Variants in DMXL1 observed in about 807,000 individuals in gnomAD.
DMXL1 encodes dmX-like protein 1.
A neutral mutation model predicts 319.2 loss-of-function variants in DMXL1; 99 were observed. The observed-to-expected ratio is 0.31, with a 90% CI of 0.26 to 0.37. The LOEUF is 0.37. DMXL1 is among the 10% of genes least tolerant of loss of function. The pLI, the probability that DMXL1 is intolerant of heterozygous loss-of-function variation, is 1.00. For synonymous variants in DMXL1, 1,385 were observed against 1,235.2 expected, an observed-to-expected ratio of 1.12 and a Z score of -2.54; for missense variants, 3,745 against 3,595.6, an observed-to-expected ratio of 1.04 and a Z score of -1.06.
chr5:119,228,628 C>T (rs1786052583), intron 38 of DMXL1, among the ~76,000 whole-genome samples: 1 of 152,120 alleles, frequency 6.6e-6, no homozygotes, highest in Non-Finnish European at 1.5e-5. Context: ...TTTTAACATT[C>T]TTCTTTTTAG....
At chr5:119,173,014 C>G (rs552804589) in intron 25 of DMXL1, among the ~76,000 whole-genome samples, 1 of 151,992 alleles carries the variant, frequency 6.6e-6, no homozygotes, top group Non-Finnish European at 1.5e-5. Flanking sequence ...TATAGCATAC[C>G]TGTGGTGTAT....
intron 19 of DMXL1, among the ~76,000 whole-genome samples, chr5:119,154,951 A>G (rs1254560255): frequency 1.3e-5 from 2 of 151,144 alleles, no homozygotes; most frequent in African/African-American, 4.9e-5. Flanking sequence ...TGTGAAACCT[A>G]TTCTGCCTGC....
intron 34 of DMXL1, among the ~76,000 whole-genome samples, chr5:119,210,758 T>G (rs938261856): frequency 1.0e-4 from 3 of 28,996 alleles, no homozygotes; most frequent in African/African-American, 2.5e-4. Flanking sequence ...TTTTCTTTCG[T>G]TTTTTTTTTT....
At position 119,149,668 on chromosome 5, in the gene DMXL1, A is replaced by G. The variant is rs745379955; in HGVS notation, c.3841A>G (p.Thr1281Ala). ...SSSGLHPPKK[T>A]LTRSMTSLAQ... Reference sequence around the variant, plus strand: ...TTCTGGGTTACATCCTCCAAAGAAAACTCTGACTCGATCCATGACCAGTCT... The same window carrying G: ...TTCTGGGTTACATCCTCCAAAGAAAGCTCTGACTCGATCCATGACCAGTCT... Residue 1281 changes from threonine (T) to alanine (A), a missense_variant, in exon 18 of 44, where the codon ACT becomes GCT. This residue lies in a region of DMXL1 where 2,096 missense variants were observed against 1,985.4 expected (regional missense o/e 1.06). Transcript: ENST00000539542. 3.1e-6 allele frequency: 5 copies of G among 1,613,834 alleles called. No individual in the cohort carries two copies. In the East Asian group the frequency reaches 1.1e-4, roughly 36 times the overall value.
chr5:119,236,433 G>A (rs543955069), intron 39 of DMXL1: 1 of 152,054 alleles, frequency 6.6e-6, no homozygotes, highest in East Asian at 1.9e-4. Context: ...ACAGAAAATT[G>A]AAAACGGTAT....
At chr5:119,116,404 C>T in intron 7 of DMXL1, 68 bp downstream of exon 7, 3 of 1,522,410 alleles carry the variant, frequency 2.0e-6, no homozygotes, top group Non-Finnish European at 2.7e-6. Flanking sequence ...GATTGCTTCT[C>T]TCACTTTTGA....
rs1043953680 is a variant in DMXL1 at position 119,171,061 on chromosome 5, T to G, written c.6270T>G (p.Asn2090Lys). The part of the protein sequence containing the change: ...AEELQSAFGR[N>K]EDEFGLNEDA... The stretch of plus-strand genomic sequence containing the variant: ...AACTACAGTCTGCATTTGGCAGAAA[T>G]GAAGATGAATTTGGATTAAATGAGG... The change falls in exon 24 of 44, where the codon AAT becomes AAG. Residue 2090 changes from asparagine (N) to lysine (K), a missense_variant. By Grantham distance (94) the Asn-to-Lys change is moderately conservative. Around this residue, in one of 4 missense-constraint regions of DMXL1, gnomAD observed 1,382 missense variants for 1,269.5 expected, o/e 1.09. Transcript: ENST00000539542. 1.9e-6 allele frequency: 3 copies of G among 1,613,802 alleles called. No individual in the cohort carries two copies. The highest frequency in any genetic ancestry group is 3.3e-5 in the Admixed American group (2 of 60,012).
chr5:119,187,231 A>T (rs1265021771), intron 28 of DMXL1, among the ~76,000 whole-genome samples: 1 of 152,266 alleles, frequency 6.6e-6, no homozygotes, highest in East Asian at 1.9e-4. Context: ...TCTATATTCA[A>T]GTTGCTCTTA....
rs117540653 is a variant in DMXL1, at chr5:119,209,262, C to T, written c.7926+2366C>T. Among the ~76,000 whole-genome samples the T allele has an allele frequency of 4.2e-3, 640 of 152,028 alleles. 12 individuals carry two copies. The highest frequency in any genetic ancestry group is 0.034 in the South Asian group (165 of 4,808). ...GGATCATGTGTAGGTATATGTTAAA[C>T]GTTTTGTGAAACTATTCAAATATTT... On this transcript the variant is annotated intron_variant, in intron 34 of 43. Transcript: ENST00000539542.
intron 28 of DMXL1, among the ~76,000 whole-genome samples, chr5:119,181,054 A>G (rs1032345056): frequency 3.3e-5 from 5 of 152,208 alleles, no homozygotes; most frequent in African/African-American, 9.7e-5. Context: ...TGATCTTTGT[A>G]TAAGGTTGGT....
In DMXL1 at chr5:119,164,534, C is replaced by T; in HGVS notation, c.4730C>T (p.Ala1577Val). The T allele has an allele frequency of 6.2e-7, 1 of 1,613,942 alleles. No individual in the cohort carries two copies. Among genetic ancestry groups the T allele is most frequent in the Non-Finnish European group, 8.5e-7 (1 of 1,179,892 alleles). Residue 1577 changes from alanine to valine, a missense_variant, in exon 20 of 44, where the codon GCA becomes GTA. Ala to Val is a moderately conservative substitution (Grantham distance 64). Around this residue, in one of 4 missense-constraint regions of DMXL1, gnomAD observed 2,096 missense variants for 1,985.4 expected, o/e 1.06. Coordinates refer to ENST00000539542, the MANE Select transcript of DMXL1 (RefSeq NM_001290321.3). ...QGLSTSHFAW[A>V]FHSVAEEELL... ...CTGTCTACAAGTCATTTTGCTTGGG[C>T]ATTTCACTCAGTAGCAGAAGAAGAA...
intron 15 of DMXL1, 45 bp from the exon 16 acceptor site, chr5:119,146,792 T>C (rs751165338): frequency 3.3e-6 from 5 of 1,504,842 alleles, no homozygotes; most frequent in Admixed American, 4.7e-5. Flanking sequence ...GCAAGTTGTC[T>C]CTTTTACACA....
chr5:119,175,161 T>A (rs1252247176), intron 25 of DMXL1, 100 bp from the exon 26 acceptor site: 2 of 814,162 alleles, frequency 2.5e-6, no homozygotes, highest in Non-Finnish European at 3.7e-6. Context: ...GAATCAAAAA[T>A]TTTTTCATTC....
At chr5:119,122,352 G>A (rs1259148008) in intron 9 of DMXL1, among the ~76,000 whole-genome samples, 18 of 148,820 alleles carry the variant, frequency 1.2e-4, no homozygotes, top group African/African-American at 4.0e-4. Context: ...GCGGCTGGCC[G>A]GGCAGAGGGG....
At chr5:119,144,022 T>C in intron 14 of DMXL1, 92 bp downstream of exon 14, 2 of 771,400 alleles carry the variant, frequency 2.6e-6, no homozygotes, top group Non-Finnish European at 4.2e-6. Flanking sequence ...TTTGAAAATT[T>C]GCTATATATT....
At chr5:119,104,627 A>G (rs1323607884) in intron 3 of DMXL1, among the ~76,000 whole-genome samples, 3 of 152,232 alleles carry the variant, frequency 2.0e-5, no homozygotes, top group Admixed American at 1.3e-4. Context: ...AAGGACAAAC[A>G]TAGGTTATAT....
chr5:119,216,960 T>C lies in DMXL1; in HGVS notation c.7986T>C (p.Asp2662=). The C allele has an allele frequency of 6.3e-7, 1 of 1,597,748 alleles. No homozygotes were observed. The highest frequency in any genetic ancestry group is 8.5e-7 in the Non-Finnish European group (1 of 1,171,206). ...CAAGAATTATTCATAAGGAATCTGA[T>C]ATCATTACTGCGTTTGCTGTTAATA... ...GKARIIHKES[D]IITAFAVNKA... Residue 2662 remains aspartate (D), a synonymous_variant, in exon 35 of 44, where the codon GAT becomes GAC. Transcript: ENST00000539542.
intron 1 of DMXL1, chr5:119,081,737 A>C: frequency 2.0e-6 from 2 of 984,982 alleles, no homozygotes; most frequent in Non-Finnish European, 2.4e-6. Context: ...TAATGGGGAC[A>C]AATTGAGACT....
chr5:119,240,349 G>T, intron 41 of DMXL1, 70 bp from the exon 42 acceptor site: 1 of 1,125,372 alleles, frequency 8.9e-7, no homozygotes, highest in Admixed American at 2.0e-5. Context: ...AGGTCACACA[G>T]TTATATATGA....
Sources: gnomAD v4.1 joint callset for allele counts (sites outside exome capture counted in the v4.1 genomes callset) on GRCh38, gnomAD v4.1.1 for gene constraint, gnomAD v4.1.1 regional missense constraint, MANE v1.5 for transcripts, NCBI Gene and HGNC (gene_info 2026-07-23, HGNC 2026-07-21) for gene names.